Variants in RAP1GAP2 observed in about 807,000 individuals in gnomAD.
RAP1GAP2 encodes the protein RAP1 GTPase activating protein 2.
Under a neutral mutation model 95.0 loss-of-function variants are expected in RAP1GAP2, and 27 were observed. The observed-to-expected ratio is 0.28, with a 90% CI of 0.21 to 0.39. The LOEUF is 0.39. RAP1GAP2 is among the 10% of genes least tolerant of loss of function. The pLI is 1.00. For synonymous variants in RAP1GAP2, 373 were observed against 380.9 expected (o/e 0.98, Z 0.24); for missense variants, 771 against 970.0 (o/e 0.79, Z 2.72).
At position 2,962,692 on chromosome 17, in the gene RAP1GAP2, AG is replaced by A; in HGVS notation, c.225del (p.Lys75AsnfsTer93). 4 of 1,595,572 alleles carry A rather than the reference AG, an allele frequency of 2.5e-6. No individual in the cohort carries two copies. Among genetic ancestry groups the A allele is most frequent in the Non-Finnish European group, 3.4e-6 (4 of 1,172,706 alleles). ...KMQGIKLEEQ[K>X]PGPQKNKDDY... ...TAGGGGATCAAGCTTGAAGAGCAGA[AG>A]CCGGGACCCCAGAAGAACAAGGTGG... On this transcript the variant is annotated frameshift_variant, in exon 5 of 25. Transcript: ENST00000254695. LOFTEE classifies it high-confidence loss of function.
intron 8 of RAP1GAP2, among the ~76,000 whole-genome samples, chr17:2,972,988 A>G (rs929630859): frequency 1.3e-5 from 2 of 152,214 alleles, no homozygotes; most frequent in Non-Finnish European, 2.9e-5. Flanking sequence ...TCTTCTTCTT[A>G]GGGACAGGGA....
chr17:2,913,876 A>AT (rs202085687), intron 3 of RAP1GAP2, among the ~76,000 whole-genome samples: 13,201 of 146,772 alleles, frequency 0.09, 1,215 homozygotes, highest in East Asian at 0.3. Context: ...CTAGAACTTA[A>AT]TTTTTTTTTT....
At chr17:2,907,136 C>T (rs2151735387) in intron 3 of RAP1GAP2, among the ~76,000 whole-genome samples, 1 of 152,260 alleles carries the variant, frequency 6.6e-6, no homozygotes, top group African/African-American at 2.4e-5. Flanking sequence ...GGAAGAAGCT[C>T]ATTGGCTGGC....
At chr17:2,966,005 G>C (rs2044579635) in intron 8 of RAP1GAP2, 1 of 244,886 alleles carries the variant, frequency 4.1e-6, no homozygotes, top group Non-Finnish European at 8.1e-6. Context: ...CCTGGGAGAG[G>C]GTTCGCCAGA....
In RAP1GAP2 at chr17:3,029,833, TG is replaced by T. The variant is rs1454329048; in HGVS notation, c.2108-1087del. Among the ~76,000 whole-genome samples the T allele has an allele frequency of 6.6e-6, 1 of 152,022 alleles. No homozygotes were observed. Among genetic ancestry groups the T allele is most frequent in the South Asian group, 2.1e-4 (1 of 4,824 alleles). ...CACTTAACGGAATTTTATTATACGA[TG>T]GATGTCAAACCCAGTGTACAAATAC... On this transcript the variant is annotated intron_variant, in intron 22 of 24. Coordinates refer to ENST00000254695, the MANE Select transcript of RAP1GAP2 (RefSeq NM_015085.5). The surrounding 1 kb of genome is among the most constrained non-coding windows in gnomAD (Gnocchi z 4.4).
chr17:2,854,084 G>A, intron 2 of RAP1GAP2: 5 of 985,416 alleles, frequency 5.1e-6, no homozygotes, highest in Non-Finnish European at 6.0e-6. Flanking sequence ...AAATCCCGGA[G>A]GCAGAATAAA....
rs2042064797 is a variant in RAP1GAP2 at position 2,902,713 on chromosome 17, G to T, written c.81-2571G>T. On this transcript the variant is annotated intron_variant, in intron 2 of 24. Transcript: ENST00000254695. This position sits in a 1 kb window ranked among gnomAD's most constrained non-coding sequence, Gnocchi z 4.1. ...CAGAAGCTGCCATGTGCTCCGACTT[G>T]AGAGTCTGCCTCGCTTCCTAGAGAC... Among the ~76,000 whole-genome samples the T allele has an allele frequency of 1.3e-5, 2 of 152,178 alleles. No individual in the cohort carries two copies. Among genetic ancestry groups the T allele is most frequent in the Non-Finnish European group, 2.9e-5 (2 of 68,038 alleles).
At chr17:2,957,672 C>T (rs1321486534) in intron 3 of RAP1GAP2, 87 bp from the exon 4 acceptor site, 1 of 1,422,418 alleles carries the variant, frequency 7.0e-7, no homozygotes, top group African/African-American at 1.4e-5. Context: ...CCAGGCTCAG[C>T]TTCCTGATAG....
chr17:2,795,785 C>T (rs72817360), upstream of RAP1GAP2, among the ~76,000 whole-genome samples: 14,486 of 152,144 alleles, frequency 0.095, 958 homozygotes, highest in East Asian at 0.34. Context: ...TCTACTGATG[C>T]CTGTGTGAAG....
chr17:2,965,533 T>C lies in RAP1GAP2; in HGVS notation c.493-7T>C. The stretch of plus-strand genomic sequence containing the variant: ...CCTTCCTGCTCACACTCAGTTTCTT[T>C]TTTTAGGATCATCTAAACTTTTACT... On this transcript the variant is annotated splice_polypyrimidine_tract_variant and splice_region_variant and intron_variant, in intron 7 of 24. Transcript: ENST00000254695. This position sits in a 1 kb window ranked among gnomAD's most constrained non-coding sequence, Gnocchi z 4.7. The C allele has an allele frequency of 6.2e-7, 1 of 1,605,468 alleles. No individual in the cohort carries two copies.
rs377136184 is a variant in RAP1GAP2, at chr17:2,982,131, A to G, written c.729+883A>G. Among the ~76,000 whole-genome samples the G allele has an allele frequency of 6.6e-5, 10 of 152,212 alleles. 1 individual carries two copies. The highest frequency in any genetic ancestry group is 3.3e-4 in the Admixed American group (5 of 15,296). On this transcript the variant is annotated intron_variant, in intron 10 of 24. Coordinates refer to ENST00000254695, the MANE Select transcript of RAP1GAP2 (RefSeq NM_015085.5). ...CCCCATTCCAGCAGAGACATCCAGA[A>G]TCCCCTGGAACAAACACTCTTTTTT...
chr17:2,948,296 A>G (rs1366286207), intron 3 of RAP1GAP2, among the ~76,000 whole-genome samples: 2 of 152,182 alleles, frequency 1.3e-5, no homozygotes, highest in Non-Finnish European at 2.9e-5. Context: ...CTCCAGAAGC[A>G]GAGGAGAGGA....
chr17:2,822,627 G>T (rs75204065), intron 2 of RAP1GAP2, among the ~76,000 whole-genome samples: 3,268 of 126,794 alleles, frequency 0.026, 72 homozygotes, highest in Non-Finnish European at 0.04. Flanking sequence ...GTTTTTTTTT[G>T]TTTTTTTTTT....
intron 1 of RAP1GAP2, among the ~76,000 whole-genome samples, chr17:2,765,456 C>T (rs1265717917): frequency 1.3e-5 from 2 of 151,868 alleles, no homozygotes; most frequent in Non-Finnish European, 2.9e-5. Context: ...TTCTAAAAAA[C>T]AGAGAGGGCG....
intron 19 of RAP1GAP2, among the ~76,000 whole-genome samples, chr17:3,022,640 T>G (rs1293582171): frequency 2.0e-5 from 3 of 152,244 alleles, no homozygotes; most frequent in Non-Finnish European, 4.4e-5. Flanking sequence ...TTAATCCTTG[T>G]TGGATGGATA....
intron 2 of RAP1GAP2, among the ~76,000 whole-genome samples, chr17:2,853,653 C>T (rs1275937195): frequency 6.9e-6 from 1 of 145,910 alleles, no homozygotes; most frequent in Non-Finnish European, 1.5e-5. Flanking sequence ...GAGGCCGGGG[C>T]GCGGGAGGCG....
intron 11 of RAP1GAP2, among the ~76,000 whole-genome samples, chr17:2,990,092 A>G (rs2045700546): frequency 6.6e-6 from 1 of 152,224 alleles, no homozygotes; most frequent in Non-Finnish European, 1.5e-5. Flanking sequence ...TCATGGCCAA[A>G]TAATATTCCA....
At chr17:2,807,149 G>A (rs1329555695) in intron 2 of RAP1GAP2, among the ~76,000 whole-genome samples, 1 of 152,178 alleles carries the variant, frequency 6.6e-6, no homozygotes, top group African/African-American at 2.4e-5. Context: ...CGCCTGCCTC[G>A]GCCTCTCAAA....
At chr17:2,935,147 T>A (rs1005010412) in intron 3 of RAP1GAP2, among the ~76,000 whole-genome samples, 2 of 152,180 alleles carry the variant, frequency 1.3e-5, no homozygotes, top group African/African-American at 4.8e-5. Flanking sequence ...CAGCCTCAGT[T>A]TTCTCAGTGA....
Sources: allele counts gnomAD v4.1 joint callset (sites outside exome capture counted in the v4.1 genomes callset), GRCh38; gene constraint gnomAD v4.1.1; non-coding constraint Gnocchi (gnomAD v3.1); transcripts MANE v1.5; gene names NCBI Gene and HGNC (gene_info 2026-07-23, HGNC 2026-07-21).